CDK14: variants seen among roughly 807,000 people sequenced by gnomAD.
The protein encoded by CDK14 is cyclin dependent kinase 14.
In CDK14, 34 loss-of-function variants were observed where a neutral mutation model predicts 60.7. The observed-to-expected ratio is 0.56, with a 90% confidence interval of 0.43 to 0.75. The LOEUF is 0.75. Ranked by LOEUF, CDK14 falls within the 30% of genes least tolerant of loss-of-function variation. The probability of loss-of-function intolerance (pLI) is 0.00; values close to 1 mark genes in which losing one functional copy is unlikely to be tolerated. For synonymous variants in CDK14, 197 were observed against 203.7 expected (o/e 0.97, Z 0.28); for missense variants, 482 against 564.1 (o/e 0.85, Z 1.47).
At chr7:91,103,844 A>AGAGAG (rs1562905796) in intron 12 of CDK14, among the ~76,000 whole-genome samples, 180 of 144,892 alleles carry the variant, frequency 1.2e-3, no homozygotes, top group African/African-American at 2.9e-3. Flanking sequence ...GAGAGAGAGA[A>AGAGAG]AGAGAGAGAG....
At chr7:90,635,938 CT>C (rs1800135341) in intron 2 of CDK14, among the ~76,000 whole-genome samples, 1 of 151,900 alleles carries the variant, frequency 6.6e-6, no homozygotes, top group Non-Finnish European at 1.5e-5. Context: ...CTCTGTTTGT[CT>C]GTTACTGATG....
At chr7:90,772,663 C>T (rs1165435725) in intron 4 of CDK14, among the ~76,000 whole-genome samples, 1 of 152,156 alleles carries the variant, frequency 6.6e-6, no homozygotes, top group Non-Finnish European at 1.5e-5. Context: ...TTGTAAGTTT[C>T]TTGAGGCCTC....
chr7:91,046,418 A>C (rs1797237968), intron 11 of CDK14, among the ~76,000 whole-genome samples: 1 of 152,194 alleles, frequency 6.6e-6, no homozygotes, highest in African/African-American at 2.4e-5. Flanking sequence ...AGATGCTCTG[A>C]ATGTTCTATT....
At chr7:91,136,651 G>A (rs943904730) in intron 14 of CDK14, among the ~76,000 whole-genome samples, 1 of 152,086 alleles carries the variant, frequency 6.6e-6, no homozygotes, top group Non-Finnish European at 1.5e-5. Context: ...TTGGAGTTTT[G>A]AAAAATATGT....
chr7:90,984,242 G>A lies in CDK14; in HGVS notation c.1041+1G>A, dbSNP rs1172649797. 1 of 1,591,412 alleles carries A rather than the reference G, an allele frequency of 6.3e-7. No homozygotes were observed. The highest frequency in any genetic ancestry group is 8.6e-7 in the Non-Finnish European group (1 of 1,159,388). On this transcript the variant is annotated splice_donor_variant, in intron 10 of 14. Coordinates refer to ENST00000380050, the MANE Select transcript of CDK14 (RefSeq NM_001287135.2). LOFTEE classifies it high-confidence loss of function. ...GGATCAACTTGAACGAATATTTCTG[G>A]TAAGTCCTTTACAGAGTATTTCTAA...
chr7:91,145,564 T>A (rs1225186055), intron 14 of CDK14, among the ~76,000 whole-genome samples: 1 of 152,232 alleles, frequency 6.6e-6, no homozygotes, highest in East Asian at 1.9e-4. Context: ...ACAACAATGA[T>A]AGCTAATGCA....
At chr7:90,938,217 A>G (rs1352200668) in intron 8 of CDK14, among the ~76,000 whole-genome samples, 1 of 152,222 alleles carries the variant, frequency 6.6e-6, no homozygotes, top group Non-Finnish European at 1.5e-5. Flanking sequence ...ACTAAATGGC[A>G]ATCCTTTCTT....
At chr7:90,871,799 T>G (rs749491893) in intron 6 of CDK14, among the ~76,000 whole-genome samples, 1 of 152,182 alleles carries the variant, frequency 6.6e-6, no homozygotes, top group Non-Finnish European at 1.5e-5. Context: ...GGCTAAGATG[T>G]CAGATACTTC....
chr7:91,162,037 T>C (rs1310955043), intron 14 of CDK14, among the ~76,000 whole-genome samples: 1 of 152,206 alleles, frequency 6.6e-6, no homozygotes, highest in Non-Finnish European at 1.5e-5. Context: ...AGAGTAACTT[T>C]TCTCTTGATA....
At chr7:90,901,789 G>GA (rs558395391) in intron 7 of CDK14, among the ~76,000 whole-genome samples, 1 of 151,634 alleles carries the variant, frequency 6.6e-6, no homozygotes, top group African/African-American at 2.4e-5. Flanking sequence ...GAAAAAAATG[G>GA]AAAAAATCCA....
chr7:90,709,629 GA>G (rs34926826), intron 2 of CDK14: 41 of 1,591,094 alleles, frequency 2.6e-5, no homozygotes, highest in Middle Eastern at 1.7e-4. Flanking sequence ...ATCGTGTTTG[GA>G]AAAAAAAATT....
At chr7:90,920,398 A>G (rs1219473410) in intron 8 of CDK14, among the ~76,000 whole-genome samples, 1 of 152,250 alleles carries the variant, frequency 6.6e-6, no homozygotes, top group African/African-American at 2.4e-5. Flanking sequence ...ATATGAGGGA[A>G]AAGACTAAAA....
intron 2 of CDK14, among the ~76,000 whole-genome samples, chr7:90,717,201 C>G (rs1407169485): frequency 6.6e-6 from 1 of 151,948 alleles, no homozygotes; most frequent in African/African-American, 2.4e-5. Flanking sequence ...GTATAGAAGT[C>G]AGGAAGTATA....
At chr7:90,720,385 G>A (rs1563056587) in intron 2 of CDK14, among the ~76,000 whole-genome samples, 2 of 152,124 alleles carry the variant, frequency 1.3e-5, no homozygotes, top group Admixed American at 1.3e-4. Flanking sequence ...TGAAGCTGAC[G>A]GACAGTGCGT....
At chr7:90,736,295 T>C (rs927198440) in intron 3 of CDK14, among the ~76,000 whole-genome samples, 4 of 150,504 alleles carry the variant, frequency 2.7e-5, no homozygotes, top group Non-Finnish European at 5.9e-5. Context: ...TCCTGTCTGC[T>C]GCCTTTTTGT....
chr7:90,843,674 A>G (rs556993052), intron 5 of CDK14, among the ~76,000 whole-genome samples: 8 of 152,252 alleles, frequency 5.3e-5, no homozygotes, highest in African/African-American at 1.9e-4. Context: ...TCTAGAAATG[A>G]AGACACATAA....
At chr7:90,636,226 A>T (rs555277003) in intron 2 of CDK14, among the ~76,000 whole-genome samples, 1 of 152,196 alleles carries the variant, frequency 6.6e-6, no homozygotes, top group East Asian at 1.9e-4. Flanking sequence ...TTTCAAATGG[A>T]ATGGTTCCAG....
chr7:91,171,703 G>A (rs1801525165), intron 14 of CDK14, among the ~76,000 whole-genome samples: 1 of 152,102 alleles, frequency 6.6e-6, no homozygotes, highest in African/African-American at 2.4e-5. Flanking sequence ...CTGGAGTGCA[G>A]TGGCATGATC....
rs566516184 is a variant in CDK14, at chr7:90,942,722, C to G, written c.827-12975C>G. Among the ~76,000 whole-genome samples the G allele has an allele frequency of 8.1e-4, 124 of 152,316 alleles. 1 individual carries two copies. The Middle Eastern group carries it at 0.01, about 13-fold the overall frequency. On this transcript the variant is annotated intron_variant, in intron 8 of 14. Coordinates refer to ENST00000380050, the MANE Select transcript of CDK14 (RefSeq NM_001287135.2). Reference sequence around the variant, plus strand: ...AAGCCACAGAGCCTCAGAAACATGGCTCTGCTAAAACATGCACCCGGCTTA... The same window carrying G: ...AAGCCACAGAGCCTCAGAAACATGGGTCTGCTAAAACATGCACCCGGCTTA...
Sources: gnomAD v4.1 joint callset for allele counts (sites outside exome capture counted in the v4.1 genomes callset) on GRCh38, gnomAD v4.1.1 for gene constraint, MANE v1.5 for transcripts, NCBI Gene and HGNC (gene_info 2026-07-23, HGNC 2026-07-21) for gene names.